The following TUBGCP5 variants were observed in gnomAD, a reference collection of about 807,000 sequenced individuals.
The protein encoded by TUBGCP5 is tubulin gamma complex component 5.
A neutral mutation model predicts 134.7 loss-of-function variants in TUBGCP5; 98 were observed. The ratio of observed to expected loss-of-function variants is 0.73; its 90% CI spans 0.62 to 0.86. The LOEUF is 0.86. TUBGCP5 is among the 40% of genes least tolerant of loss of function. TUBGCP5 has a pLI of 0.00. For synonymous variants in TUBGCP5, 456 were observed against 431.4 expected, an observed-to-expected ratio of 1.06 and a Z score of -0.71; for missense variants, 1,150 against 1,244.8, an observed-to-expected ratio of 0.92 and a Z score of 1.15.
intron 13 of TUBGCP5, among the ~76,000 whole-genome samples, chr15:23,014,493 A>G (rs2065207272): frequency 6.6e-6 from 1 of 152,190 alleles, no homozygotes; most frequent in Non-Finnish European, 1.5e-5. Flanking sequence ...CCCAAACCTG[A>G]GAAAGAGCCT....
At chr15:23,024,256 C>T (rs1410369392) in intron 9 of TUBGCP5, 63 bp from the exon 10 acceptor site, 9 of 1,566,728 alleles carry the variant, frequency 5.7e-6, no homozygotes, top group Non-Finnish European at 6.9e-6. Flanking sequence ...AAATTCATTT[C>T]CCTCTCGCTG....
Position 23,030,952 on chromosome 15 carries a change from C to A in TUBGCP5, c.555G>T (p.Gln185His), listed in dbSNP as rs1272179217. ...QPLSREDSGI[Q>H]VDRTPLEEQD... ...GTTCTTCTAACGGTGTCCTGTCTAC[C>A]TGAATTCCAGAGTCCTCTCTGCTTA... The change falls in exon 6 of 23, where the codon CAG becomes CAT. Residue 185 changes from glutamine (Q) to histidine (H), a missense_variant. By Grantham distance (24) the Gln-to-His change is conservative. Transcript: ENST00000615383. 2 of 1,613,602 alleles carry A rather than the reference C, an allele frequency of 1.2e-6. No individual in the cohort carries two copies. The highest frequency in any genetic ancestry group is 1.7e-6 in the Non-Finnish European group (2 of 1,179,880).
intron 12 of TUBGCP5, among the ~76,000 whole-genome samples, chr15:23,018,499 C>A (rs996122477): frequency 6.6e-6 from 1 of 152,106 alleles, no homozygotes; most frequent in African/African-American, 2.4e-5. Flanking sequence ...TGAATCAGAA[C>A]ACAGTGACAG....
intron 3 of TUBGCP5, 78 bp downstream of exon 3, chr15:23,036,819 A>G (rs748239324): frequency 2.4e-4 from 239 of 1,007,248 alleles, no homozygotes; most frequent in Non-Finnish European, 3.3e-4. Flanking sequence ...ATGTTTAAAC[A>G]GTAACTGAAA....
chr15:23,023,393 A>T (rs2065818249), intron 10 of TUBGCP5: 1 of 152,616 alleles, frequency 6.6e-6, no homozygotes, highest in Non-Finnish European at 1.5e-5. Flanking sequence ...ACGATAACGG[A>T]TATGTAGAAG....
chr15:22,997,206 G>C (rs1019062989), downstream of TUBGCP5, among the ~76,000 whole-genome samples: 1 of 151,718 alleles, frequency 6.6e-6, no homozygotes, highest in Non-Finnish European at 1.5e-5. Flanking sequence ...TTGAGACGGA[G>C]TCTTGCTCTG....
chr15:23,031,504 C>T (rs2066310685), intron 5 of TUBGCP5, among the ~76,000 whole-genome samples: 2 of 151,984 alleles, frequency 1.3e-5, no homozygotes, highest in East Asian at 1.9e-4. Context: ...TCTTAGTTGA[C>T]GGGGTTTCAC....
Position 23,005,436 on chromosome 15 carries a change from G to A in TUBGCP5, c.2708C>T (p.Thr903Ile). The change falls in exon 19 of 23, where the codon ACC becomes ATC. Residue 903 changes from threonine (T) to isoleucine (I), a missense_variant. By Grantham distance (89) the Thr-to-Ile change is moderately conservative. Around this residue, in one of 2 missense-constraint regions of TUBGCP5, gnomAD observed 697 missense variants for 850.1 expected, o/e 0.82. Transcript: ENST00000615383. ...FVNSLHNYIM[T>I]RILHSTGLEF... Reference sequence around the variant, plus strand: ...GCAGATGGGAGAGGCACAAACCCTGGTCATGATGTAGTTGTGCAAGCTGTT... The same window carrying A: ...GCAGATGGGAGAGGCACAAACCCTGATCATGATGTAGTTGTGCAAGCTGTT... 6.2e-7 allele frequency: 1 copy of A among 1,613,722 alleles called. No individual in the cohort carries two copies. The highest frequency in any genetic ancestry group is 8.5e-7 in the Non-Finnish European group (1 of 1,179,786).
chr15:23,006,302 A>G lies in TUBGCP5; in HGVS notation c.2378T>C (p.Val793Ala), dbSNP rs540487781. 6 of 1,609,950 alleles carry G rather than the reference A, an allele frequency of 3.7e-6. No homozygotes were observed. In the Admixed American group the frequency reaches 1.0e-4, roughly 27 times the overall value. ...GAGGGTCAGACCATCTAAGATATGA[A>G]CAGGCAGCTTCTTCTTAGCTGTGTC... ...NVDTAKKKLP[V>A]HILDGLTLSY... is the part of the protein sequence containing the mutation. The change falls in exon 17 of 23, where the codon GTT (valine) becomes GCT (alanine). Residue 793 changes from valine (V) to alanine (A), a missense_variant. Coordinates refer to ENST00000615383, the MANE Select transcript of TUBGCP5 (RefSeq NM_052903.6).
In TUBGCP5 at chr15:23,004,154, AT is replaced by A; in HGVS notation, c.2785del (p.Ile929PhefsTer15). 1 of 1,613,454 alleles carries A rather than the reference AT, an allele frequency of 6.2e-7. No individual in the cohort carries two copies. On this transcript the variant is annotated frameshift_variant, in exon 20 of 23. Coordinates refer to ENST00000615383, the MANE Select transcript of TUBGCP5 (RefSeq NM_052903.6). LOFTEE classifies it high-confidence loss of function. ...GATGGTTGACAGATACCTATAGTGA[AT>A]TTTAATCAATTGATCTAAATCCTTG... is the stretch of plus-strand genomic sequence containing the variant. ...EAKDLDQLIKIHYRYLSTIHD... is the reference protein window; with the variant it reads ...EAKDLDQLIKXHYRYLSTIHD...
chr15:23,026,792 G>C (rs1009434639), intron 7 of TUBGCP5, among the ~76,000 whole-genome samples: 1 of 151,900 alleles, frequency 6.6e-6, no homozygotes, highest in African/African-American at 2.4e-5. Context: ...AATTAGCTGG[G>C]CATGGTGGCA....
chr15:23,003,453 T>C (rs1424460970), intron 20 of TUBGCP5, among the ~76,000 whole-genome samples: 3 of 152,162 alleles, frequency 2.0e-5, no homozygotes, highest in Non-Finnish European at 4.4e-5. Context: ...ATAATTGCAA[T>C]GGTTTTAACA....
At chr15:23,039,184 T>A (rs937860159) in intron 1 of TUBGCP5, among the ~76,000 whole-genome samples, 1 of 151,768 alleles carries the variant, frequency 6.6e-6, no homozygotes, top group South Asian at 2.1e-4. Context: ...TCAGGACGCG[T>A]CCCGGGTAAC....
At position 23,024,814 on chromosome 15, in the gene TUBGCP5, T is replaced by C; in HGVS notation, c.844A>G (p.Lys282Glu). 1 of 1,593,598 alleles carries C rather than the reference T, an allele frequency of 6.3e-7. No individual in the cohort carries two copies. Among genetic ancestry groups the C allele is most frequent in the East Asian group, 2.2e-5 (1 of 44,528 alleles). ...RETLWLLSGV[K>E]KLFIFQLIDG... Reference sequence around the variant, plus strand: ...ATCAACTGAAATATAAAGAGCTTTTTCACTCCTGAAAGTAACCTGAAATGA... The same window carrying C: ...ATCAACTGAAATATAAAGAGCTTTTCCACTCCTGAAAGTAACCTGAAATGA... The change falls in exon 9 of 23, where the codon AAA becomes GAA. Residue 282 changes from lysine to glutamate, a missense_variant. Transcript: ENST00000615383.
chr15:23,008,429 T>C (rs767489404), intron 16 of TUBGCP5: 3 of 413,374 alleles, frequency 7.3e-6, no homozygotes, highest in Non-Finnish European at 8.8e-6. Context: ...ACCATGCTTT[T>C]TGTATTTTTA....
chr15:23,022,185 T>A (rs1341456083), intron 10 of TUBGCP5, 24 bp from the exon 11 acceptor site: 13 of 1,609,380 alleles, frequency 8.1e-6, no homozygotes, highest in Non-Finnish European at 1.0e-5. Flanking sequence ...TAAATCAAAC[T>A]CAACAGCAAG....
chr15:22,987,375 T>A (rs1051416609), intron 23 of TUBGCP5, among the ~76,000 whole-genome samples: 6 of 151,882 alleles, frequency 4.0e-5, no homozygotes, highest in African/African-American at 1.5e-4. Context: ...CTGTCCTGTT[T>A]TTAGGTTTCT....
chr15:23,024,410 A>T (rs1041738107), intron 9 of TUBGCP5: 1 of 518,086 alleles, frequency 1.9e-6, no homozygotes, highest in African/African-American at 1.9e-5. Flanking sequence ...TTATATTTTT[A>T]AAAACATACA....
chr15:22,999,030 G>C (rs1439592297), downstream of TUBGCP5: 1 of 152,102 alleles, frequency 6.6e-6, no homozygotes, highest in Admixed American at 6.6e-5. Context: ...AAAGTGCCAG[G>C]ATTACAAGCT....
Sources: allele counts gnomAD v4.1 joint callset (sites outside exome capture counted in the v4.1 genomes callset), GRCh38; gene constraint gnomAD v4.1.1; regional missense constraint gnomAD v4.1.1; transcripts MANE v1.5; gene names NCBI Gene and HGNC (gene_info 2026-07-23, HGNC 2026-07-21).